DIPK2A: variants seen among roughly 807,000 people sequenced by gnomAD.
The protein encoded by DIPK2A is divergent protein kinase domain 2A.
Under a neutral mutation model 39.0 loss-of-function variants are expected in DIPK2A, and 27 were observed. The ratio of observed to expected loss-of-function variants is 0.69; its 90% confidence interval spans 0.51 to 0.96. The LOEUF (loss-of-function observed/expected upper bound fraction) is 0.96, where lower values mean the gene tolerates loss of function less well. DIPK2A is among the 40% of genes least tolerant of loss of function. The probability of loss-of-function intolerance (pLI) is 0.00; values close to 1 mark genes in which losing one functional copy is unlikely to be tolerated. For synonymous variants in DIPK2A, 298 were observed against 240.8 expected (o/e 1.24, Z -2.20); for missense variants, 528 against 571.3 (o/e 0.92, Z 0.77).
chr3:143,973,902 A>G (rs887505881), intron 1 of DIPK2A, among the ~76,000 whole-genome samples: 1 of 152,126 alleles, frequency 6.6e-6, no homozygotes, highest in Non-Finnish European at 1.5e-5. Flanking sequence ...TTACTTTCGG[A>G]GTATTTGCTT....
At chr3:143,974,395 T>C in intron 1 of DIPK2A, among the ~76,000 whole-genome samples, 1 of 152,248 alleles carries the variant, frequency 6.6e-6, no homozygotes. Flanking sequence ...CCTAACTGAA[T>C]GGATGCATAA....
intron 1 of DIPK2A, among the ~76,000 whole-genome samples, chr3:143,977,941 C>G (rs992028150): frequency 6.6e-6 from 1 of 152,118 alleles, no homozygotes; most frequent in African/African-American, 2.4e-5. Flanking sequence ...GGACTAGTTT[C>G]TGGACATATC....
intron 1 of DIPK2A, chr3:143,973,503 G>A (rs894946272): frequency 5.2e-6 from 8 of 1,551,404 alleles, no homozygotes; most frequent in Non-Finnish European, 7.0e-6. Context: ...CAGTCATTTG[G>A]ACACCTAATT....
At position 143,972,545 on chromosome 3, in the gene DIPK2A, G is replaced by A; in HGVS notation, c.213G>A (p.Gln71=). The part of the protein sequence containing the change: ...TSWCRRFLNG[Q]VVFEAWGRLR... ...GGTGCCGCCGCTTCCTCAACGGGCA[G>A]GTGGTATTCGAGGCGTGGGGCCGCT... The change falls in exon 1 of 3, where the codon CAG becomes CAA. Residue 71 remains glutamine (Q), a synonymous_variant. Coordinates refer to ENST00000315691, the MANE Select transcript of DIPK2A (RefSeq NM_173552.5). 1 of 1,612,388 alleles carries A rather than the reference G, an allele frequency of 6.2e-7. No individual in the cohort carries two copies. Among genetic ancestry groups the A allele is most frequent in the Non-Finnish European group, 8.5e-7 (1 of 1,179,722 alleles).
At chr3:143,984,088 C>T (rs900864626) in intron 1 of DIPK2A, among the ~76,000 whole-genome samples, 5 of 152,206 alleles carry the variant, frequency 3.3e-5, no homozygotes, top group Non-Finnish European at 7.3e-5. Flanking sequence ...TTCTTCTGAA[C>T]TCTGAGCCTT....
intron 1 of DIPK2A, chr3:143,978,622 C>CTA (rs60796376): frequency 8.5e-4 from 104 of 121,670 alleles, no homozygotes; most frequent in Middle Eastern, 4.2e-3. Flanking sequence ...ATATCTATAT[C>CTA]TATATATATA....
chr3:143,987,884 G>T (rs899154100), intron 2 of DIPK2A, among the ~76,000 whole-genome samples: 2 of 152,178 alleles, frequency 1.3e-5, no homozygotes, highest in Non-Finnish European at 2.9e-5. Context: ...TGGCAAATTT[G>T]TGAAGTGATT....
chr3:143,973,291 G>C (rs1394849146), intron 1 of DIPK2A: 19 of 1,491,020 alleles, frequency 1.3e-5, no homozygotes, highest in Admixed American at 1.2e-4. Context: ...TGTCTCTACT[G>C]CGAGTTTCCT....
intron 1 of DIPK2A, among the ~76,000 whole-genome samples, chr3:143,979,693 G>GTT (rs79959367): frequency 6.6e-6 from 1 of 150,492 alleles, no homozygotes; most frequent in Non-Finnish European, 1.5e-5. Context: ...TTTGTTTTGT[G>GTT]TTTTTTTTTG....
chr3:143,987,399 A>G (rs1461811694), intron 2 of DIPK2A, among the ~76,000 whole-genome samples: 1 of 152,200 alleles, frequency 6.6e-6, no homozygotes, highest in Non-Finnish European at 1.5e-5. Flanking sequence ...TCCATTTCAT[A>G]CAGTGAGCAT....
Position 143,989,730 on chromosome 3 carries a change from G to A in DIPK2A, c.1182G>A (p.Arg394=). 6.2e-7 allele frequency: 1 copy of A among 1,614,228 alleles called. No individual in the cohort carries two copies. Among genetic ancestry groups the A allele is most frequent in the African/African-American group, 1.3e-5 (1 of 75,058 alleles). Residue 394 remains arginine, a synonymous_variant, in exon 3 of 3, where the codon CGG becomes CGA. Transcript: ENST00000315691. ...DPPSEIAKDG[R]LEALLDECAN... ...CAAGTGAAATTGCCAAAGATGGCCG[G>A]CTCGAGGCCTTGCTGGATGAGTGTG...
chr3:143,975,832 A>G (rs919338942), intron 1 of DIPK2A, among the ~76,000 whole-genome samples: 2 of 152,094 alleles, frequency 1.3e-5, no homozygotes, highest in Admixed American at 1.3e-4. Flanking sequence ...AAAATTAACA[A>G]CTTCAGGGAA....
In DIPK2A at chr3:143,989,913, T is replaced by TG. The variant is rs2107850626; in HGVS notation, c.*73dup. 1 of 1,169,996 alleles carries TG rather than the reference T, an allele frequency of 8.5e-7. No individual in the cohort carries two copies. The highest frequency in any genetic ancestry group is 2.4e-5 in the East Asian group (1 of 41,840). 72.5% of individuals were successfully genotyped at this position (1,169,996 alleles called of 1,614,324 possible). A position where few individuals can be genotyped will look rare whatever the true frequency, so the allele number is the denominator to read the frequency against. On this transcript the variant is annotated 3_prime_UTR_variant, in exon 3 of 3. Transcript: ENST00000315691. The stretch of plus-strand genomic sequence containing the variant: ...AAAACTAAACCACCAAAAAACGATC[T>TG]GAAAAAATGAAATTTGGAAGTGTTA...
chr3:143,972,680 C>A lies in DIPK2A; in HGVS notation c.348C>A (p.Arg116=), dbSNP rs778666692. Residue 116 remains arginine (R), a synonymous_variant, in exon 1 of 3, where the codon CGC becomes CGA. Transcript: ENST00000315691. ...RVVLKRLGSQ[R]ELAQLDQSIC... is the part of the protein sequence containing the mutation. ...TGCTCAAGCGCCTCGGCTCGCAGCG[C>A]GAGCTGGCGCAGCTCGACCAGAGCA... 2 of 1,608,150 alleles carry A rather than the reference C, an allele frequency of 1.2e-6. No individual in the cohort carries two copies. Among genetic ancestry groups the A allele is most frequent in the Non-Finnish European group, 1.7e-6 (2 of 1,177,922 alleles).
At chr3:143,973,725 A>T (rs1218965769) in intron 1 of DIPK2A, 1 of 623,072 alleles carries the variant, frequency 1.6e-6, no homozygotes, top group Non-Finnish European at 2.9e-6. Context: ...TTGAAGGGAG[A>T]TGAAATATTA....
In DIPK2A at chr3:143,985,760, A is replaced by AT; in HGVS notation, c.879dup (p.Ala294CysfsTer5). On this transcript the variant is annotated frameshift_variant, in exon 2 of 3. Transcript: ENST00000315691. LOFTEE classifies it high-confidence loss of function. Reference sequence around the variant, plus strand: ...TACCTCCTGGACGTCAGCTTTGACAATTTTGCAGTTGGTCCTAGAGATGGG... The same window carrying AT: ...TACCTCCTGGACGTCAGCTTTGACAATTTTTGCAGTTGGTCCTAGAGATGGG... The AT allele has an allele frequency of 6.2e-7, 1 of 1,614,192 alleles. No homozygotes were observed. The highest frequency in any genetic ancestry group is 8.5e-7 in the Non-Finnish European group (1 of 1,180,016).
At chr3:143,985,459 G>A in intron 1 of DIPK2A, 84 bp from the exon 2 acceptor site, 1 of 1,145,728 alleles carries the variant, frequency 8.7e-7, no homozygotes, top group South Asian at 1.5e-5. Flanking sequence ...ATTCCTAGTA[G>A]CAATCTCTAC....
At position 143,971,851 on chromosome 3, in the gene DIPK2A, TGC is replaced by T. The variant is rs1559851167; in HGVS notation, c.-480_-479del. ...AGCAAGGGTGTGCGGCTCTGAGACG[TGC>T]GTTGCTGCTTGTGGGTGTGAGACAT... is the stretch of plus-strand genomic sequence containing the variant. On this transcript the variant is annotated 5_prime_UTR_variant, in exon 1 of 3. Coordinates refer to ENST00000315691, the MANE Select transcript of DIPK2A (RefSeq NM_173552.5). 1 of 154,300 alleles carries T rather than the reference TGC, an allele frequency of 6.5e-6. No individual in the cohort carries two copies. The highest frequency in any genetic ancestry group is 1.4e-5 in the Non-Finnish European group (1 of 69,628). The allele number at this position is 154,300 out of a possible 1,614,324, so 9.6% of individuals were successfully genotyped here. A position where few individuals can be genotyped will look rare whatever the true frequency, so the allele number is the denominator to read the frequency against.
intron 2 of DIPK2A, 111 bp downstream of exon 2, chr3:143,985,957 C>A: frequency 1.2e-6 from 1 of 822,520 alleles, no homozygotes; most frequent in Non-Finnish European, 1.9e-6. Flanking sequence ...CAACTTTAAG[C>A]GTCTTTCTTT....
Sources: allele counts gnomAD v4.1 joint callset (sites outside exome capture counted in the v4.1 genomes callset), GRCh38; gene constraint gnomAD v4.1.1; transcripts MANE v1.5; gene names NCBI Gene and HGNC (gene_info 2026-07-23, HGNC 2026-07-21).